IL16: variants seen among roughly 807,000 people sequenced by gnomAD.
IL16 encodes the protein pro-interleukin-16.
A neutral mutation model predicts 110.1 loss-of-function variants in IL16; 67 were observed. That is an observed-to-expected ratio of 0.61 (90% CI 0.50 to 0.75). The LOEUF (loss-of-function observed/expected upper bound fraction) is 0.75, where lower values mean the gene tolerates loss of function less well. IL16 is among the 30% of genes least tolerant of loss of function. The pLI is 0.00. For synonymous variants in IL16, 689 were observed against 662.9 expected, an observed-to-expected ratio of 1.04 and a Z score of -0.61; for missense variants, 1,545 against 1,655.0, an observed-to-expected ratio of 0.93 and a Z score of 1.15.
chr15:81,192,184 A>T (rs1895508286), upstream of IL16, among the ~76,000 whole-genome samples: 1 of 152,232 alleles, frequency 6.6e-6, no homozygotes, highest in South Asian at 2.1e-4. Flanking sequence ...ACGCCAATGC[A>T]AGATGTTAAT....
intron 6 of IL16, among the ~76,000 whole-genome samples, chr15:81,276,082 CCTT>C (rs1898896236): frequency 1.3e-5 from 2 of 152,168 alleles, no homozygotes; most frequent in African/African-American, 4.8e-5. Context: ...TGTTGTCTAT[CCTT>C]CTTTCAGCAC....
intron 2 of IL16, among the ~76,000 whole-genome samples, chr15:81,233,886 CATT>C (rs1312514352): frequency 6.6e-6 from 1 of 152,040 alleles, no homozygotes; most frequent in African/African-American, 2.4e-5. Flanking sequence ...TAAAGCCTCT[CATT>C]ATTATTGTAG....
At chr15:81,208,855 A>G (rs1290599278) in intron 1 of IL16, among the ~76,000 whole-genome samples, 2 of 152,116 alleles carry the variant, frequency 1.3e-5, no homozygotes, top group Non-Finnish European at 2.9e-5. Flanking sequence ...TAGCTGTGTA[A>G]TCCCAGACAA....
chr15:81,266,682 T>G (rs1003846482), intron 4 of IL16, among the ~76,000 whole-genome samples: 3 of 152,178 alleles, frequency 2.0e-5, no homozygotes, highest in African/African-American at 7.2e-5. Flanking sequence ...AAAACCTTCC[T>G]AAGGTTCTCT....
At chr15:81,298,592 C>T (rs969780878) in intron 13 of IL16, among the ~76,000 whole-genome samples, 9 of 152,290 alleles carry the variant, frequency 5.9e-5, no homozygotes, top group Admixed American at 2.0e-4. Context: ...TAGGGGTGGG[C>T]GTCAGTATTT....
At chr15:81,237,294 C>T (rs11072997) in intron 2 of IL16, among the ~76,000 whole-genome samples, 35,874 of 151,982 alleles carry the variant, frequency 0.24, 4,905 homozygotes, top group African/African-American at 0.37. Flanking sequence ...AAGAAACTTA[C>T]ATATTCCCAT....
intron 2 of IL16, among the ~76,000 whole-genome samples, chr15:81,229,408 A>G (rs1184952480): frequency 6.6e-6 from 1 of 152,034 alleles, no homozygotes; most frequent in Non-Finnish European, 1.5e-5. Flanking sequence ...AGGAGCTCAC[A>G]GGGGCTTGGA....
At chr15:81,205,020 T>C (rs1895963665) in intron 1 of IL16, among the ~76,000 whole-genome samples, 1 of 151,894 alleles carries the variant, frequency 6.6e-6, no homozygotes, top group South Asian at 2.1e-4. Context: ...AAATGATAAA[T>C]CTTAGACCGG....
At chr15:81,185,489 G>A (rs1043450030) in intron 1 of IL16, among the ~76,000 whole-genome samples, 1 of 151,684 alleles carries the variant, frequency 6.6e-6, no homozygotes, top group Non-Finnish European at 1.5e-5. Context: ...CTTAGTAGCT[G>A]AGACTACAGG....
intron 2 of IL16, among the ~76,000 whole-genome samples, chr15:81,242,812 A>G (rs1338334484): frequency 6.6e-6 from 1 of 151,860 alleles, no homozygotes; most frequent in East Asian, 1.9e-4. Context: ...GAAAACGTTT[A>G]GTTTTCATTA....
intron 1 of IL16, among the ~76,000 whole-genome samples, chr15:81,214,395 G>A (rs1896351822): frequency 1.3e-5 from 2 of 152,158 alleles, no homozygotes; most frequent in African/African-American, 2.4e-5. Flanking sequence ...AGTTTGGCAG[G>A]ATATGAAATT....
chr15:81,285,675 G>A, intron 9 of IL16, 23 bp from the exon 10 acceptor site: 1 of 1,613,086 alleles, frequency 6.2e-7, no homozygotes, highest in Non-Finnish European at 8.5e-7. Flanking sequence ...CTTACTGATG[G>A]CTTCTTATTG....
At position 81,306,018 on chromosome 15, in the gene IL16, T is replaced by C. The variant is rs756902131; in HGVS notation, c.3531T>C (p.Asp1177=). The change falls in exon 17 of 19, where the codon GAT becomes GAC. Residue 1177 remains aspartate, a synonymous_variant. Coordinates refer to ENST00000683961, the MANE Select transcript of IL16 (RefSeq NM_172217.5). ...CTCTCAAGGGGACCACGCACCATGA[T>C]GCCTTGGCCATCCTCCGCCAAGCTC... The part of the protein sequence containing the change: ...GKSLKGTTHH[D]ALAILRQARE... 1.2e-6 allele frequency: 2 copies of C among 1,614,252 alleles called. No homozygotes were observed. The highest frequency in any genetic ancestry group is 1.1e-5 in the South Asian group (1 of 91,088).
intron 6 of IL16, among the ~76,000 whole-genome samples, chr15:81,274,160 C>G (rs375075198): frequency 3.9e-5 from 6 of 152,172 alleles, no homozygotes; most frequent in Non-Finnish European, 8.8e-5. Context: ...ATGCTGGGAG[C>G]CTAACCACCT....
intron 9 of IL16, among the ~76,000 whole-genome samples, chr15:81,284,593 TAA>T (rs1899354250): frequency 6.6e-6 from 1 of 152,000 alleles, no homozygotes; most frequent in Non-Finnish European, 1.5e-5. Flanking sequence ...GTTACAGCAG[TAA>T]AAAGGAAGCA....
chr15:81,233,459 CTGTGTG>C (rs5814049), intron 2 of IL16, among the ~76,000 whole-genome samples: 70 of 143,458 alleles, frequency 4.9e-4, no homozygotes, highest in Admixed American at 1.9e-3. Flanking sequence ...TCTTCTCTTT[CTGTGTG>C]TGTGTGTGTG....
chr15:81,296,714 G>T (rs955852769), intron 12 of IL16, among the ~76,000 whole-genome samples: 3 of 152,208 alleles, frequency 2.0e-5, no homozygotes, highest in African/African-American at 7.2e-5. Context: ...ATACCAGGTT[G>T]CTGGAAGTCA....
chr15:81,269,756 G>A (rs1005916412), intron 5 of IL16, 108 bp downstream of exon 5: 245 of 746,728 alleles, frequency 3.3e-4, no homozygotes, highest in Middle Eastern at 1.5e-3. Context: ...GTGTCCTGGC[G>A]CATCAGAAGA....
intron 10 of IL16, chr15:81,290,044 CTG>C: frequency 8.5e-6 from 3 of 352,760 alleles, no homozygotes; most frequent in South Asian, 6.8e-5. Flanking sequence ...TGATAATAAA[CTG>C]TGAGTCACAG....
Sources: allele counts gnomAD v4.1 joint callset (sites outside exome capture counted in the v4.1 genomes callset), GRCh38; gene constraint gnomAD v4.1.1; transcripts MANE v1.5; gene names NCBI Gene and HGNC (gene_info 2026-07-23, HGNC 2026-07-21).